NKAIN3: variants seen among roughly 807,000 people sequenced by gnomAD.
NKAIN3 encodes sodium/potassium-transporting ATPase subunit beta-1-interacting protein 3.
Under a neutral mutation model 30.2 loss-of-function variants are expected in NKAIN3, and 25 were observed. The observed-to-expected ratio is 0.83, with a 90% confidence interval of 0.60 to 1.16. The LOEUF (loss-of-function observed/expected upper bound fraction) is 1.16, where lower values mean the gene tolerates loss of function less well. NKAIN3 is among the 50% of genes most tolerant of loss of function. The probability of loss-of-function intolerance (pLI) is 0.00; values close to 1 mark genes in which losing one functional copy is unlikely to be tolerated. For synonymous variants in NKAIN3, 91 were observed against 89.6 expected (o/e 1.02, Z -0.09); for missense variants, 225 against 254.1 (o/e 0.89, Z 0.78).
At chr8:62,717,766 G>A (rs1814954708) in intron 3 of NKAIN3, among the ~76,000 whole-genome samples, 1 of 152,098 alleles carries the variant, frequency 6.6e-6, no homozygotes, top group Non-Finnish European at 1.5e-5. Flanking sequence ...AAAAATCTTT[G>A]TGATGGTGAA....
At chr8:62,855,314 A>T in intron 4 of NKAIN3, 1 of 562,616 alleles carries the variant, frequency 1.8e-6, no homozygotes, top group South Asian at 1.9e-5. Flanking sequence ...TCAGGCCTGG[A>T]AGTGCTCAGA....
intron 1 of NKAIN3, among the ~76,000 whole-genome samples, chr8:62,256,542 G>T (rs1450868671): frequency 6.6e-6 from 1 of 152,244 alleles, no homozygotes; most frequent in Non-Finnish European, 1.5e-5. Flanking sequence ...GCTGTGGTCT[G>T]TTATCAGAGG....
chr8:62,495,901 C>A (rs923800975), intron 1 of NKAIN3, among the ~76,000 whole-genome samples: 1 of 152,230 alleles, frequency 6.6e-6, no homozygotes, highest in South Asian at 2.1e-4. Flanking sequence ...GAAAGCTCTT[C>A]AGTGATGGAG....
intron 3 of NKAIN3, among the ~76,000 whole-genome samples, chr8:62,637,909 A>G (rs114617865): frequency 0.02 from 2,977 of 152,222 alleles, 100 homozygotes; most frequent in African/African-American, 0.068. Context: ...CACATTATAA[A>G]CACCATTCTG....
chr8:62,289,281 C>A (rs13278227), intron 1 of NKAIN3, among the ~76,000 whole-genome samples: 128 of 149,730 alleles, frequency 8.5e-4, no homozygotes, highest in South Asian at 1.3e-3. Flanking sequence ...CTTTTGTTGC[C>A]TTTGCTTTTG....
At chr8:62,364,826 T>TATAAAA (rs1816682754) in intron 1 of NKAIN3, among the ~76,000 whole-genome samples, 1 of 3,828 alleles carries the variant, frequency 2.6e-4, no homozygotes, top group Non-Finnish European at 9.5e-4. Flanking sequence ...GAGACTCCAC[T>TATAAAA]ACAAAAAAAA....
chr8:62,329,631 G>C (rs1815271629), intron 1 of NKAIN3, among the ~76,000 whole-genome samples: 1 of 152,088 alleles, frequency 6.6e-6, no homozygotes, highest in African/African-American at 2.4e-5. Flanking sequence ...TAGGATAATA[G>C]CCTCCAGCTC....
intron 3 of NKAIN3, among the ~76,000 whole-genome samples, chr8:62,657,007 C>G (rs144736378): frequency 6.6e-6 from 1 of 152,116 alleles, no homozygotes; most frequent in Non-Finnish European, 1.5e-5. Flanking sequence ...ACATTAGAAA[C>G]GTCAATTTCC....
intron 4 of NKAIN3, among the ~76,000 whole-genome samples, chr8:62,756,054 G>A (rs1057002156): frequency 1.3e-5 from 2 of 152,096 alleles, no homozygotes; most frequent in African/African-American, 4.8e-5. Context: ...TACTCTCTTG[G>A]TGAAATGTGT....
chr8:62,897,350 G>A (rs1015076262), intron 4 of NKAIN3, among the ~76,000 whole-genome samples: 1 of 139,712 alleles, frequency 7.2e-6, no homozygotes, highest in African/African-American at 2.8e-5. Flanking sequence ...AAAGCTTATG[G>A]AAACAAATCT....
chr8:62,261,401 A>AATGAT (rs1812436865), intron 1 of NKAIN3, among the ~76,000 whole-genome samples: 1 of 152,216 alleles, frequency 6.6e-6, no homozygotes, highest in African/African-American at 2.4e-5. Context: ...ATAATGGGTT[A>AATGAT]TAGGTTGCAC....
intron 5 of NKAIN3, among the ~76,000 whole-genome samples, chr8:62,923,945 AT>A (rs751914457): frequency 6.6e-6 from 1 of 152,174 alleles, no homozygotes; most frequent in Non-Finnish European, 1.5e-5. Flanking sequence ...CCAACTGGAG[AT>A]TCCCTACAGG....
Position 62,852,420 on chromosome 8 carries a change from A to AT in NKAIN3, c.472-66027dup, listed in dbSNP as rs1819937812. On this transcript the variant is annotated intron_variant, in intron 4 of 6. Transcript: ENST00000623646. ...CAAAAACCAGCTCCTGGATTCATTG[A>AT]TTTTTTGAAGGGTTTTTTCTGTCTC... is the stretch of plus-strand genomic sequence containing the variant. Among the ~76,000 whole-genome samples the AT allele has an allele frequency of 2.6e-5, 4 of 152,062 alleles. No homozygotes were observed. The South Asian group carries it at 6.2e-4, about 24-fold the overall frequency.
chr8:62,875,126 G>T (rs1437722756), intron 4 of NKAIN3, among the ~76,000 whole-genome samples: 1 of 152,102 alleles, frequency 6.6e-6, no homozygotes, highest in Non-Finnish European at 1.5e-5. Flanking sequence ...CTTCAACAAA[G>T]TCTCAGGATA....
At chr8:62,940,469 C>G (rs1272519983) in intron 5 of NKAIN3, among the ~76,000 whole-genome samples, 1 of 152,106 alleles carries the variant, frequency 6.6e-6, no homozygotes, top group South Asian at 2.1e-4. Flanking sequence ...AATAGACATT[C>G]TATTCATAAG....
intron 3 of NKAIN3, among the ~76,000 whole-genome samples, chr8:62,593,790 T>C (rs1242889274): frequency 6.6e-6 from 1 of 152,068 alleles, no homozygotes; most frequent in Non-Finnish European, 1.5e-5. Flanking sequence ...AATGTCACCT[T>C]GCTAGAGGGA....
chr8:62,484,729 A>G (rs1361166607), intron 1 of NKAIN3, among the ~76,000 whole-genome samples: 1 of 152,154 alleles, frequency 6.6e-6, no homozygotes, highest in Non-Finnish European at 1.5e-5. Flanking sequence ...CTCTGCTCAG[A>G]TGTGAACAGA....
At chr8:62,850,085 A>G (rs960520882) in intron 4 of NKAIN3, among the ~76,000 whole-genome samples, 2 of 151,946 alleles carry the variant, frequency 1.3e-5, no homozygotes, top group African/African-American at 4.8e-5. Flanking sequence ...AGTAAAAGTG[A>G]TCCTATTTCT....
At chr8:62,389,656 G>C (rs1321850240) in intron 1 of NKAIN3, among the ~76,000 whole-genome samples, 1 of 152,130 alleles carries the variant, frequency 6.6e-6, no homozygotes, top group African/African-American at 2.4e-5. Flanking sequence ...TTGCCTATCT[G>C]GGTATAGGAG....
Sources: gnomAD v4.1 joint callset for allele counts (sites outside exome capture counted in the v4.1 genomes callset) on GRCh38, gnomAD v4.1.1 for gene constraint, MANE v1.5 for transcripts, NCBI Gene and HGNC (gene_info 2026-07-23, HGNC 2026-07-21) for gene names.